The following CUBN variants were observed in gnomAD, a reference collection of about 807,000 sequenced individuals.
The protein encoded by CUBN is 460 kDa receptor.
CUBN carries 282 observed loss-of-function variants against 405.3 expected under a neutral mutation model. That is an observed-to-expected ratio of 0.70 (90% CI 0.63 to 0.77). The LOEUF (loss-of-function observed/expected upper bound fraction) is 0.77. Ranked by LOEUF, CUBN falls within the 30% of genes least tolerant of loss-of-function variation. The probability of loss-of-function intolerance (pLI) is 0.00; values close to 1 mark genes in which losing one functional copy is unlikely to be tolerated. For synonymous variants in CUBN, 1,684 were observed against 1,617.0 expected (o/e 1.04, Z -0.99); for missense variants, 4,514 against 4,475.2 (o/e 1.01, Z -0.25).
At chr10:16,867,049 T>C (rs1263195495) in intron 59 of CUBN, among the ~76,000 whole-genome samples, 1 of 152,204 alleles carries the variant, frequency 6.6e-6, no homozygotes, top group Non-Finnish European at 1.5e-5. Flanking sequence ...GCCAAGTGTA[T>C]AATCTAAATA....
At chr10:16,852,698 T>C (rs1588588039) in intron 59 of CUBN, among the ~76,000 whole-genome samples, 1 of 152,356 alleles carries the variant, frequency 6.6e-6, no homozygotes. Context: ...TCCAGTTTTA[T>C]ACAAAATCAA....
chr10:17,110,856 G>A lies in CUBN; in HGVS notation c.1015+63C>T, dbSNP rs12242395. 0.2 allele frequency: 314,596 copies of A among 1,608,620 alleles called. 32,255 individuals are homozygous for A. The highest frequency in any genetic ancestry group is 0.29 in the Middle Eastern group (1,732 of 5,962). ...TATTTTAAATGGAGCACTAGATTCCGTATTCCTATGTCTGTGTTCCCTGTG... is the reference window on the plus strand; with the variant it reads ...TATTTTAAATGGAGCACTAGATTCCATATTCCTATGTCTGTGTTCCCTGTG... On this transcript the variant is annotated intron_variant, in intron 9 of 66. Coordinates refer to ENST00000377833, the MANE Select transcript of CUBN (RefSeq NM_001081.4).
At chr10:16,894,969 C>T (rs1841137261) in intron 54 of CUBN, among the ~76,000 whole-genome samples, 1 of 152,148 alleles carries the variant, frequency 6.6e-6, no homozygotes, top group African/African-American at 2.4e-5. Flanking sequence ...TTACCAGGCA[C>T]TTCCCATGGG....
chr10:16,989,411 T>C (rs1045826099), intron 29 of CUBN, among the ~76,000 whole-genome samples: 1 of 148,332 alleles, frequency 6.7e-6, no homozygotes, highest in African/African-American at 2.4e-5. Context: ...TGTAAGTATA[T>C]AATATACTAC....
At chr10:16,861,789 A>T (rs1010485852) in intron 59 of CUBN, among the ~76,000 whole-genome samples, 1 of 152,096 alleles carries the variant, frequency 6.6e-6, no homozygotes, top group Non-Finnish European at 1.5e-5. Flanking sequence ...TCTTCCACGG[A>T]ACATCCAAGT....
At chr10:16,933,512 T>A (rs567325776) in intron 39 of CUBN, among the ~76,000 whole-genome samples, 1 of 152,374 alleles carries the variant, frequency 6.6e-6, no homozygotes, top group East Asian at 1.9e-4. Context: ...ATTTTCACCA[T>A]AATTTTGCTA....
intron 59 of CUBN, among the ~76,000 whole-genome samples, chr10:16,868,501 T>G (rs1425195223): frequency 6.6e-6 from 1 of 152,210 alleles, no homozygotes; most frequent in Non-Finnish European, 1.5e-5. Context: ...TTTAGAACAT[T>G]AATCACATCT....
intron 51 of CUBN, among the ~76,000 whole-genome samples, chr10:16,903,607 T>C (rs1841463622): frequency 1.3e-5 from 2 of 148,714 alleles, no homozygotes; most frequent in Admixed American, 6.7e-5. Context: ...ATAATAATTA[T>C]GCAAATTACA....
intron 29 of CUBN, among the ~76,000 whole-genome samples, chr10:16,990,081 C>G (rs1049611556): frequency 3.9e-5 from 6 of 152,232 alleles, no homozygotes; most frequent in Non-Finnish European, 8.8e-5. Flanking sequence ...TTCACTCACT[C>G]GTCCTGGGCT....
At chr10:17,107,035 G>A (rs1042769995) in intron 10 of CUBN, among the ~76,000 whole-genome samples, 4 of 152,138 alleles carry the variant, frequency 2.6e-5, no homozygotes, top group East Asian at 3.8e-4. Flanking sequence ...AATGGCAATC[G>A]AATTAGGTTA....
At chr10:16,972,443 A>ATTT (rs55982899) in intron 31 of CUBN, among the ~76,000 whole-genome samples, 6 of 146,300 alleles carry the variant, frequency 4.1e-5, no homozygotes, top group Non-Finnish European at 1.5e-5. Context: ...ATCATTCACA[A>ATTT]TTTTTTTTTT....
chr10:17,019,403 G>A (rs1452741575), intron 28 of CUBN, among the ~76,000 whole-genome samples: 1 of 151,900 alleles, frequency 6.6e-6, no homozygotes, highest in Non-Finnish European at 1.5e-5. Flanking sequence ...ATCCCTGTCT[G>A]ACTTTCATTC....
At chr10:17,004,497 T>C (rs1260672176) in intron 28 of CUBN, among the ~76,000 whole-genome samples, 2 of 152,074 alleles carry the variant, frequency 1.3e-5, no homozygotes, top group African/African-American at 4.8e-5. Context: ...AAGCTCACAA[T>C]TTTCCCCCAA....
intron 61 of CUBN, 25 bp downstream of exon 61, chr10:16,840,860 T>C (rs774572829): frequency 5.7e-6 from 9 of 1,584,030 alleles, no homozygotes; most frequent in Non-Finnish European, 6.9e-6. Flanking sequence ...TTTCATAACA[T>C]ATAAAAATGC....
At chr10:17,127,988 G>T in intron 2 of CUBN, 64 bp from the exon 3 acceptor site, 2 of 1,160,356 alleles carry the variant, frequency 1.7e-6, no homozygotes, top group South Asian at 1.3e-5. Context: ...TATCTTTACA[G>T]TAACATAATT....
At chr10:17,071,106 G>A (rs1835728304) in intron 19 of CUBN, among the ~76,000 whole-genome samples, 1 of 152,174 alleles carries the variant, frequency 6.6e-6, no homozygotes, top group South Asian at 2.1e-4. Flanking sequence ...GCAAAATCCA[G>A]ATCTCACATC....
chr10:17,081,994 G>C (rs1305896107), intron 17 of CUBN, among the ~76,000 whole-genome samples: 1 of 152,088 alleles, frequency 6.6e-6, no homozygotes, highest in Non-Finnish European at 1.5e-5. Context: ...ATCCTTGAGG[G>C]AAATTTGGTC....
rs970693459 is a variant in CUBN, at chr10:17,123,744, C to T, written c.388-55G>A. The T allele has an allele frequency of 9.1e-6, 11 of 1,211,622 alleles. No individual in the cohort carries two copies. In the Admixed American group the frequency reaches 1.1e-4, roughly 12 times the overall value. The allele number at this position is 1,211,622 out of a possible 1,614,324, so 75.1% of individuals were successfully genotyped here. A position where few individuals can be genotyped will look rare whatever the true frequency, so the allele number is the denominator to read the frequency against. ...TGACTTGCAGTCAGCAGCAACAAAA[C>T]GCATGTTACCGTGCACGTGGGATTA... On this transcript the variant is annotated intron_variant, in intron 4 of 66. Transcript: ENST00000377833.
At chr10:17,000,095 G>T (rs918604968) in intron 28 of CUBN, among the ~76,000 whole-genome samples, 1 of 152,210 alleles carries the variant, frequency 6.6e-6, no homozygotes, top group African/African-American at 2.4e-5. Flanking sequence ...CTTAGCTTAG[G>T]GGAAGAAAAA....
Sources: allele counts gnomAD v4.1 joint callset (sites outside exome capture counted in the v4.1 genomes callset), GRCh38; gene constraint gnomAD v4.1.1; transcripts MANE v1.5; gene names NCBI Gene and HGNC (gene_info 2026-07-23, HGNC 2026-07-21).